ANXA10: variants seen among roughly 807,000 people sequenced by gnomAD.
ANXA10 encodes the protein annexin A10.
In ANXA10, 49 loss-of-function variants were observed where a neutral mutation model predicts 53.5. The observed-to-expected ratio is 0.92, with a 90% CI of 0.73 to 1.16. The LOEUF is 1.16. ANXA10 is among the 50% of genes most tolerant of loss of function. The pLI is 0.00. For missense variants in ANXA10, 393 were observed against 394.4 expected, an observed-to-expected ratio of 1.00 and a Z score of 0.03; for synonymous variants, 131 against 128.9, an observed-to-expected ratio of 1.02 and a Z score of -0.11.
At chr4:168,179,683 G>T (rs1294965369) in intron 9 of ANXA10, among the ~76,000 whole-genome samples, 1 of 152,090 alleles carries the variant, frequency 6.6e-6, no homozygotes, top group African/African-American at 2.4e-5. Flanking sequence ...TAACAGTATG[G>T]TTTTCTTCTC....
At chr4:168,095,766 T>C (rs2149463090) in intron 1 of ANXA10, among the ~76,000 whole-genome samples, 1 of 152,092 alleles carries the variant, frequency 6.6e-6, no homozygotes, top group Middle Eastern at 3.4e-3. Context: ...TTCCCAGGAG[T>C]TAAAAGCCAG....
chr4:168,159,713 A>G (rs1578926050), intron 3 of ANXA10, among the ~76,000 whole-genome samples: 1 of 152,196 alleles, frequency 6.6e-6, no homozygotes, highest in East Asian at 1.9e-4. Flanking sequence ...TAGTGTCTAC[A>G]GTATACATAC....
chr4:168,097,217 C>T (rs539673614), intron 1 of ANXA10, among the ~76,000 whole-genome samples: 9 of 151,986 alleles, frequency 5.9e-5, no homozygotes, highest in East Asian at 5.8e-4. Context: ...CAATTCTCTC[C>T]GTATCCATTC....
chr4:168,150,195 CA>C (rs1466133944), intron 3 of ANXA10, among the ~76,000 whole-genome samples: 1 of 152,034 alleles, frequency 6.6e-6, no homozygotes, highest in Non-Finnish European at 1.5e-5. Context: ...TACTTTTTAT[CA>C]GGTATTTGAA....
chr4:168,147,479 T>C (rs965953895), intron 3 of ANXA10, among the ~76,000 whole-genome samples: 1 of 152,166 alleles, frequency 6.6e-6, no homozygotes, highest in Non-Finnish European at 1.5e-5. Flanking sequence ...AAGTGATCAT[T>C]AGGCTTATGG....
At chr4:168,108,681 G>A (rs540899397) in intron 1 of ANXA10, among the ~76,000 whole-genome samples, 3 of 152,094 alleles carry the variant, frequency 2.0e-5, no homozygotes, top group African/African-American at 4.8e-5. Flanking sequence ...CTCTGGGAGC[G>A]CAACAAATTA....
chr4:168,170,859 A>T (rs796127262), intron 6 of ANXA10, among the ~76,000 whole-genome samples: 11 of 152,314 alleles, frequency 7.2e-5, no homozygotes, highest in African/African-American at 2.6e-4. Context: ...TAGAAAATGG[A>T]GGTACCAAAC....
intron 1 of ANXA10, among the ~76,000 whole-genome samples, chr4:168,112,656 C>G (rs765379779): frequency 1.3e-5 from 2 of 152,180 alleles, no homozygotes; most frequent in Middle Eastern, 3.4e-3. Context: ...AAGAGCATAG[C>G]CTTTGGAATC....
chr4:168,103,021 T>C (rs1730665636), intron 1 of ANXA10, among the ~76,000 whole-genome samples: 1 of 152,112 alleles, frequency 6.6e-6, no homozygotes, highest in Admixed American at 6.6e-5. Flanking sequence ...CCTATTTTTA[T>C]ATCATTTTCT....
At chr4:168,155,751 TA>T (rs1731618546) in intron 3 of ANXA10, among the ~76,000 whole-genome samples, 1 of 38,592 alleles carries the variant, frequency 2.6e-5, no homozygotes, top group Non-Finnish European at 4.1e-5. Flanking sequence ...ATATATTATA[TA>T]TTATATAATA....
At chr4:168,148,382 G>C (rs1731439235) in intron 3 of ANXA10, among the ~76,000 whole-genome samples, 1 of 152,104 alleles carries the variant, frequency 6.6e-6, no homozygotes, top group African/African-American at 2.4e-5. Context: ...GGCCAGGCTG[G>C]TCTTGAATTC....
intron 3 of ANXA10, among the ~76,000 whole-genome samples, chr4:168,143,440 A>G (rs1731356129): frequency 6.6e-6 from 1 of 152,182 alleles, no homozygotes; most frequent in African/African-American, 2.4e-5. Flanking sequence ...GAGTGGCTGA[A>G]TTTCATCAGC....
intron 2 of ANXA10, among the ~76,000 whole-genome samples, chr4:168,137,946 T>C (rs907060440): frequency 2.5e-4 from 38 of 151,448 alleles, no homozygotes; most frequent in African/African-American, 9.2e-4. Flanking sequence ...CTCTCCAACA[T>C]CTGTTATTTT....
chr4:168,125,209 C>T (rs1228244285), intron 1 of ANXA10, among the ~76,000 whole-genome samples: 2 of 152,144 alleles, frequency 1.3e-5, no homozygotes, highest in Non-Finnish European at 2.9e-5. Flanking sequence ...AGGAGCAACG[C>T]TCCAAAGTTA....
At chr4:168,093,044 TTCAATATAACTATTAAACAGA>T (rs151222235) in intron 1 of ANXA10, among the ~76,000 whole-genome samples, 3,567 of 152,160 alleles carry the variant, frequency 0.023, 128 homozygotes, top group African/African-American at 0.077. Context: ...TTAGTGGGTC[TTCAATATAACTATTAAACAGA>T]GTTAATATTA....
intron 1 of ANXA10, among the ~76,000 whole-genome samples, chr4:168,109,345 G>GTC (rs1730766545): frequency 6.6e-6 from 1 of 152,016 alleles, no homozygotes; most frequent in African/African-American, 2.4e-5. Flanking sequence ...TAGTCTCCTA[G>GTC]GCATATGTGC....
At chr4:168,127,981 C>A (rs952968916) in intron 1 of ANXA10, 103 bp from the exon 2 acceptor site, 12 of 1,048,950 alleles carry the variant, frequency 1.1e-5, no homozygotes, top group Admixed American at 1.9e-5. Context: ...ACCTCTGCCT[C>A]CCAAAGTGCA....
chr4:168,114,094 G>A (rs1334520218), intron 1 of ANXA10, among the ~76,000 whole-genome samples: 2 of 152,106 alleles, frequency 1.3e-5, no homozygotes, highest in African/African-American at 4.8e-5. Context: ...ACCTAAATAG[G>A]TCTAAATATT....
chr4:168,160,541 T>C (rs1424463524), intron 3 of ANXA10, among the ~76,000 whole-genome samples: 1 of 152,146 alleles, frequency 6.6e-6, no homozygotes, highest in Non-Finnish European at 1.5e-5. Flanking sequence ...ATCTTTATAA[T>C]ATTAATATAA....
Sources: allele counts gnomAD v4.1 joint callset (sites outside exome capture counted in the v4.1 genomes callset), GRCh38; gene constraint gnomAD v4.1.1; transcripts MANE v1.5; gene names NCBI Gene and HGNC (gene_info 2026-07-23, HGNC 2026-07-21).